The following CCSER1 variants were observed in gnomAD, a reference collection of about 807,000 sequenced individuals.
CCSER1 encodes the protein serine-rich coiled-coil domain-containing protein 1.
Under a neutral mutation model 82.0 loss-of-function variants are expected in CCSER1, and 41 were observed. That is an observed-to-expected ratio of 0.50 (90% confidence interval 0.39 to 0.65). The LOEUF (loss-of-function observed/expected upper bound fraction) is 0.65, where lower values mean the gene tolerates loss of function less well. CCSER1 is among the 30% of genes least tolerant of loss of function. The probability of loss-of-function intolerance (pLI) is 0.00; values close to 1 mark genes in which losing one functional copy is unlikely to be tolerated. For synonymous variants in CCSER1, 414 were observed against 383.9 expected, an observed-to-expected ratio of 1.08 and a Z score of -0.92; for missense variants, 1,119 against 1,064.2, an observed-to-expected ratio of 1.05 and a Z score of -0.72.
chr4:91,472,182 C>T (rs992060491), intron 10 of CCSER1, among the ~76,000 whole-genome samples: 4 of 151,958 alleles, frequency 2.6e-5, no homozygotes, highest in Non-Finnish European at 5.9e-5. Context: ...TGTGACTTTG[C>T]CAACTGGTGA....
intron 7 of CCSER1, among the ~76,000 whole-genome samples, chr4:90,755,370 C>G (rs6833628): frequency 2.1e-3 from 323 of 152,292 alleles, no homozygotes; most frequent in South Asian, 3.1e-3. Context: ...TCTCATACAT[C>G]ACATTATTCT....
intron 1 of CCSER1, among the ~76,000 whole-genome samples, chr4:90,136,362 G>C (rs1723699527): frequency 6.6e-6 from 1 of 151,886 alleles, no homozygotes; most frequent in Non-Finnish European, 1.5e-5. Context: ...AAAAAGAAAA[G>C]GTAAAAAAAG....
intron 2 of CCSER1, 111 bp from the exon 3 acceptor site, chr4:90,312,752 A>T: frequency 1.2e-6 from 1 of 829,872 alleles, no homozygotes; most frequent in Non-Finnish European, 1.9e-6. Context: ...TTTTCTTGTG[A>T]TAGAGAAACT....
In CCSER1 at chr4:91,602,658, T is replaced by TAAAC. The variant is rs1764856930; in HGVS notation, c.*3603_*3606dup. On this transcript the variant is annotated 3_prime_UTR_variant, in exon 11 of 11. Transcript: ENST00000509176. ...TTTTCACTTTCAGAACTTAACATTC[T>TAAAC]AAACAGCTATAGAAGGAAGTGGTTC... Among the ~76,000 whole-genome samples the TAAAC allele has an allele frequency of 6.6e-6, 1 of 152,152 alleles. No homozygotes were observed. The highest frequency in any genetic ancestry group is 6.6e-5 in the Admixed American group (1 of 15,256).
At chr4:90,487,598 A>C (rs1767312136) in intron 5 of CCSER1, among the ~76,000 whole-genome samples, 1 of 152,224 alleles carries the variant, frequency 6.6e-6, no homozygotes, top group African/African-American at 2.4e-5. Flanking sequence ...CTCAATAAGC[A>C]TGTATGGAAT....
chr4:91,332,588 A>G (rs1747032768), intron 10 of CCSER1, among the ~76,000 whole-genome samples: 3 of 151,922 alleles, frequency 2.0e-5, no homozygotes, highest in Admixed American at 6.6e-5. Flanking sequence ...AAAAAGGGCC[A>G]TTTAACTTAC....
chr4:91,156,158 G>A (rs193040521), intron 10 of CCSER1, among the ~76,000 whole-genome samples: 103 of 151,722 alleles, frequency 6.8e-4, no homozygotes, highest in African/African-American at 2.2e-3. Context: ...GTTGAAGGGA[G>A]GTGATGGCCA....
chr4:91,410,942 A>G (rs1207151195), intron 10 of CCSER1, among the ~76,000 whole-genome samples: 2 of 152,086 alleles, frequency 1.3e-5, no homozygotes, highest in South Asian at 2.1e-4. Context: ...TTAGCATCAT[A>G]TACTAAAAAG....
intron 10 of CCSER1, among the ~76,000 whole-genome samples, chr4:91,436,762 C>T (rs1342678889): frequency 6.6e-6 from 1 of 152,150 alleles, no homozygotes; most frequent in Non-Finnish European, 1.5e-5. Context: ...AGCCAAGCCA[C>T]AGATGGATCT....
intron 8 of CCSER1, among the ~76,000 whole-genome samples, chr4:90,920,162 A>G (rs1485752894): frequency 6.6e-6 from 1 of 151,910 alleles, no homozygotes; most frequent in Non-Finnish European, 1.5e-5. Context: ...AAAGCTCAGC[A>G]CACTTCCGCG....
At chr4:91,273,135 C>T (rs1392860662) in intron 10 of CCSER1, among the ~76,000 whole-genome samples, 2 of 151,432 alleles carry the variant, frequency 1.3e-5, no homozygotes, top group Non-Finnish European at 2.9e-5. Context: ...TCTGTGAAGA[C>T]TGATTGTGGT....
At chr4:90,735,691 TTCTC>T (rs1183902907) in intron 7 of CCSER1, among the ~76,000 whole-genome samples, 1 of 152,116 alleles carries the variant, frequency 6.6e-6, no homozygotes, top group Non-Finnish European at 1.5e-5. Flanking sequence ...GGTATGGGCT[TTCTC>T]TCTGTTTTCT....
intron 5 of CCSER1, among the ~76,000 whole-genome samples, chr4:90,566,266 T>C (rs1490581680): frequency 1.3e-5 from 2 of 152,182 alleles, no homozygotes. Flanking sequence ...ATTAATAGTG[T>C]CTTTGCCTGG....
At chr4:91,508,162 G>GTTTTTTTTTTTTTTTTTTTTTTTTTTGT (rs139066436) in intron 10 of CCSER1, among the ~76,000 whole-genome samples, 1 of 97,654 alleles carries the variant, frequency 1.0e-5, no homozygotes, top group African/African-American at 4.0e-5. Flanking sequence ...TTTTTTCTGG[G>GTTTTTTTTTTTTTTTTTTTTTTTTTTGT]TTTTTTTTTT....
At chr4:90,898,948 AT>A in intron 8 of CCSER1, among the ~76,000 whole-genome samples, 1 of 151,288 alleles carries the variant, frequency 6.6e-6, no homozygotes, top group Middle Eastern at 3.5e-3. Flanking sequence ...GTTCCATGTT[AT>A]TTTTAGCATT....
chr4:91,244,279 C>T (rs994744472), intron 10 of CCSER1, among the ~76,000 whole-genome samples: 66 of 152,308 alleles, frequency 4.3e-4, no homozygotes, highest in African/African-American at 1.5e-3. Context: ...GTTAAGGTTA[C>T]AGACTCTAAG....
intron 7 of CCSER1, among the ~76,000 whole-genome samples, chr4:90,725,603 A>G (rs1279878878): frequency 6.6e-6 from 1 of 151,650 alleles, no homozygotes; most frequent in African/African-American, 2.4e-5. Flanking sequence ...AAACTTAAAA[A>G]TCAAAATTAT....
chr4:91,206,642 A>G (rs976328708), intron 10 of CCSER1, among the ~76,000 whole-genome samples: 3 of 151,870 alleles, frequency 2.0e-5, no homozygotes, highest in African/African-American at 7.2e-5. Context: ...GCAGATTGAA[A>G]GGCACTCTGA....
At chr4:90,897,749 T>C (rs1252067447) in intron 8 of CCSER1, among the ~76,000 whole-genome samples, 1 of 152,110 alleles carries the variant, frequency 6.6e-6, no homozygotes, top group African/African-American at 2.4e-5. Context: ...ATGAACAGTA[T>C]ATAAGTATTC....
Sources: allele counts gnomAD v4.1 joint callset (sites outside exome capture counted in the v4.1 genomes callset), GRCh38; gene constraint gnomAD v4.1.1; transcripts MANE v1.5; gene names NCBI Gene and HGNC (gene_info 2026-07-23, HGNC 2026-07-21).